Variants in FSIP1 observed in about 807,000 individuals in gnomAD.
FSIP1 encodes the protein fibrous sheath-interacting protein 1.
Under a neutral mutation model 60.9 loss-of-function variants are expected in FSIP1, and 65 were observed. That is an observed-to-expected ratio of 1.07 (90% CI 0.87 to 1.31). The LOEUF (loss-of-function observed/expected upper bound fraction) is 1.31. Among genes scored for constraint, FSIP1 ranks in the 40% most tolerant of loss-of-function variants. The pLI is 0.00. For missense variants in FSIP1, 675 were observed against 665.5 expected (o/e 1.01, Z -0.16); for synonymous variants, 209 against 221.2 (o/e 0.94, Z 0.49).
rs537056803 is a variant in FSIP1 at position 39,691,601 on chromosome 15, T to C, written c.1188+21843A>G. 2.0e-5 allele frequency among the ~76,000 whole-genome samples: 3 copies of C among 152,310 alleles called. No homozygotes were observed. The South Asian group carries it at 6.2e-4, about 32-fold the overall frequency. ...GTGGCATCAGCCAATTAAAGTCCTTTCCAAAGAGTCTCATCTATTAAAGAA... is the reference window on the plus strand; with the variant it reads ...GTGGCATCAGCCAATTAAAGTCCTTCCCAAAGAGTCTCATCTATTAAAGAA... On this transcript the variant is annotated intron_variant, in intron 10 of 11. Transcript: ENST00000350221.
At chr15:39,742,012 C>T in intron 5 of FSIP1, 112 bp from the exon 6 acceptor site, 1 of 581,360 alleles carries the variant, frequency 1.7e-6, no homozygotes, top group South Asian at 2.2e-5. Flanking sequence ...TTCCTCAGTC[C>T]CCTCCACACA....
intron 10 of FSIP1, among the ~76,000 whole-genome samples, chr15:39,680,832 A>G (rs1894131524): frequency 6.6e-6 from 1 of 152,248 alleles, no homozygotes; most frequent in Non-Finnish European, 1.5e-5. Flanking sequence ...AGAGCTTTAT[A>G]TAAACTCTCT....
At chr15:39,711,676 CTTTTTTTTT>C in intron 10 of FSIP1, among the ~76,000 whole-genome samples, 1 of 85,748 alleles carries the variant, frequency 1.2e-5, no homozygotes, top group East Asian at 4.1e-4. Context: ...ATTCCTACTT[CTTTTTTTTT>C]TTTTTTTTTT....
chr15:39,640,022 A>G, intron 10 of FSIP1, among the ~76,000 whole-genome samples: 1 of 152,268 alleles, frequency 6.6e-6, no homozygotes, highest in Non-Finnish European at 1.5e-5. Context: ...GAAGATGCTC[A>G]GTAAATATTT....
chr15:39,649,814 C>A (rs889751790), intron 10 of FSIP1, among the ~76,000 whole-genome samples: 3 of 152,356 alleles, frequency 2.0e-5, no homozygotes, highest in African/African-American at 7.2e-5. Context: ...TTTCCACGTT[C>A]CCCAACCTTT....
intron 9 of FSIP1, among the ~76,000 whole-genome samples, chr15:39,720,850 A>C (rs143377910): frequency 2.6e-4 from 40 of 152,340 alleles, no homozygotes; most frequent in African/African-American, 9.6e-4. Flanking sequence ...TCTTAAGAAA[A>C]AATTGCTTCA....
chr15:39,695,160 A>G (rs1317280777), intron 10 of FSIP1, among the ~76,000 whole-genome samples: 1 of 152,092 alleles, frequency 6.6e-6, no homozygotes, highest in Admixed American at 6.5e-5. Flanking sequence ...CATGCCCACC[A>G]TTTTGAAAAG....
intron 10 of FSIP1, among the ~76,000 whole-genome samples, chr15:39,622,637 CTATT>C (rs1891481690): frequency 6.6e-6 from 1 of 152,240 alleles, no homozygotes; most frequent in South Asian, 2.1e-4. Flanking sequence ...TAGGTAGAAA[CTATT>C]GTTATTTCCA....
intron 10 of FSIP1, among the ~76,000 whole-genome samples, chr15:39,644,107 G>A (rs769995950): frequency 2.0e-5 from 3 of 152,178 alleles, no homozygotes; most frequent in Non-Finnish European, 4.4e-5. Context: ...TACACTTTGA[G>A]ATTTCTCATC....
chr15:39,713,698 C>T lies in FSIP1; in HGVS notation c.1051-117G>A, dbSNP rs551719252. 6.0e-5 allele frequency: 55 copies of T among 921,520 alleles called. 1 individual carries two copies. The Admixed American group carries it at 8.4e-4, about 14-fold the overall frequency. 57.1% of individuals were successfully genotyped at this position (921,520 alleles called of 1,614,324 possible). ...TTGCTTCTCAAACAATTATTTCTTC[C>T]CTTCAAAACAATATGTATAACGCTT... On this transcript the variant is annotated intron_variant, in intron 9 of 11. Transcript: ENST00000350221.
chr15:39,598,576 A>C (rs973882715), downstream of FSIP1: 2 of 152,228 alleles, frequency 1.3e-5, no homozygotes, highest in African/African-American at 4.8e-5. Context: ...AAGATAAGAC[A>C]GAAAAAGTGA....
chr15:39,700,789 G>T (rs1257826612), intron 10 of FSIP1, among the ~76,000 whole-genome samples: 1 of 152,178 alleles, frequency 6.6e-6, no homozygotes, highest in East Asian at 1.9e-4. Flanking sequence ...TGCAAAGGAT[G>T]AATAGATTTC....
intron 10 of FSIP1, among the ~76,000 whole-genome samples, chr15:39,624,145 C>T (rs1891547056): frequency 6.6e-6 from 1 of 152,114 alleles, no homozygotes; most frequent in Admixed American, 6.5e-5. Context: ...CCATCCAAGC[C>T]CAAGGTTTTG....
intron 10 of FSIP1, among the ~76,000 whole-genome samples, chr15:39,679,790 C>T (rs1490316935): frequency 6.6e-6 from 1 of 152,134 alleles, no homozygotes; most frequent in Non-Finnish European, 1.5e-5. Flanking sequence ...TTATCACAAA[C>T]AACGTCATCA....
chr15:39,704,931 A>G (rs1178148328), intron 10 of FSIP1, among the ~76,000 whole-genome samples: 1 of 152,254 alleles, frequency 6.6e-6, no homozygotes, highest in Non-Finnish European at 1.5e-5. Flanking sequence ...ATGACAATGC[A>G]GTTCACCAAA....
At chr15:39,714,858 A>G (rs571269055) in intron 9 of FSIP1, among the ~76,000 whole-genome samples, 18 of 151,884 alleles carry the variant, frequency 1.2e-4, no homozygotes, top group South Asian at 8.4e-4. Context: ...CTACAGTCTC[A>G]GCCACTTGGG....
At chr15:39,654,206 A>G (rs1305375378) in intron 10 of FSIP1, among the ~76,000 whole-genome samples, 1 of 152,242 alleles carries the variant, frequency 6.6e-6, no homozygotes, top group Non-Finnish European at 1.5e-5. Context: ...AAAGTATAGT[A>G]TAGGAAATCC....
At position 39,698,621 on chromosome 15, in the gene FSIP1, G is replaced by A. The variant is rs899410664; in HGVS notation, c.1188+14823C>T. Among the ~76,000 whole-genome samples the A allele has an allele frequency of 6.6e-5, 10 of 152,236 alleles. 1 individual carries two copies. The highest frequency in any genetic ancestry group is 6.2e-4 in the South Asian group (3 of 4,814). ...CCTCGTGATCAGTGTTTTCCCCAGC[G>A]GTGTTCTGCCCCTTTGTGCCACATA... is the stretch of plus-strand genomic sequence containing the variant. On this transcript the variant is annotated intron_variant, in intron 10 of 11. Coordinates refer to ENST00000350221, the MANE Select transcript of FSIP1 (RefSeq NM_152597.5).
At chr15:39,666,408 G>A (rs1893496301) in intron 10 of FSIP1, among the ~76,000 whole-genome samples, 1 of 152,132 alleles carries the variant, frequency 6.6e-6, no homozygotes, top group Admixed American at 6.5e-5. Flanking sequence ...GAATGATTAT[G>A]AACTATTTTT....
Sources: allele counts gnomAD v4.1 joint callset (sites outside exome capture counted in the v4.1 genomes callset), GRCh38; gene constraint gnomAD v4.1.1; transcripts MANE v1.5; gene names NCBI Gene and HGNC (gene_info 2026-07-23, HGNC 2026-07-21).